Variants in FAM222B observed in about 807,000 individuals in gnomAD.
FAM222B encodes the protein protein FAM222B.
In FAM222B, 12 loss-of-function variants were observed where a neutral mutation model predicts 38.0. The ratio of observed to expected loss-of-function variants is 0.32; its 90% CI spans 0.20 to 0.51. The LOEUF (loss-of-function observed/expected upper bound fraction) is 0.51. Ranked by LOEUF, FAM222B falls within the 20% of genes least tolerant of loss-of-function variation. FAM222B has a pLI of 0.97. For synonymous variants in FAM222B, 329 were observed against 317.2 expected, an observed-to-expected ratio of 1.04 and a Z score of -0.40; for missense variants, 716 against 754.2, an observed-to-expected ratio of 0.95 and a Z score of 0.59.
At chr17:28,847,001 A>G (rs1045322764), upstream of FAM222B, among the ~76,000 whole-genome samples, 8 of 151,972 alleles carry the variant, frequency 5.3e-5, no homozygotes, top group African/African-American at 1.9e-4. Flanking sequence ...AGGTGGGTAG[A>G]TCACCTAAGG....
intron 1 of FAM222B, among the ~76,000 whole-genome samples, chr17:28,772,162 G>A (rs867371703): frequency 5.3e-5 from 8 of 152,124 alleles, no homozygotes; most frequent in Non-Finnish European, 7.3e-5. Context: ...ATACTCTGAC[G>A]ATGGGGATAC....
chr17:28,808,837 T>C (rs955780013), intron 1 of FAM222B, among the ~76,000 whole-genome samples: 2 of 152,200 alleles, frequency 1.3e-5, no homozygotes, highest in Non-Finnish European at 2.9e-5. Context: ...GTGCCTCTAA[T>C]ATTTTCTCAC....
At chr17:28,777,219 T>C (rs1206734146) in intron 1 of FAM222B, 1 of 152,166 alleles carries the variant, frequency 6.6e-6, no homozygotes, top group Non-Finnish European at 1.5e-5. Context: ...TCTAGAAATA[T>C]ATCTGCCACA....
Position 28,784,536 on chromosome 17 carries a change from A to G in FAM222B, c.-40-17829T>C, listed in dbSNP as rs527982532. 2.2e-3 allele frequency among the ~76,000 whole-genome samples: 311 copies of G among 141,016 alleles called. 3 individuals are homozygous for G. Among genetic ancestry groups the G allele is most frequent in the African/African-American group, 8.1e-3 (306 of 37,930 alleles). 92.5% of individuals were successfully genotyped at this position (141,016 alleles called of 152,430 possible). ...AAAAAAAAAAAAAAAAAAAAAGGCA[A>G]TAATCATTACTATTACTTTTCACTG... On this transcript the variant is annotated intron_variant, in intron 1 of 2. Transcript: ENST00000581407.
intron 2 of FAM222B, among the ~76,000 whole-genome samples, chr17:28,760,992 A>T (rs753236668): frequency 6.6e-6 from 1 of 152,210 alleles, no homozygotes; most frequent in Non-Finnish European, 1.5e-5. Context: ...GGGAATTGAG[A>T]AGAAAGGATT....
intron 2 of FAM222B, 66 bp downstream of exon 2, chr17:28,766,520 G>C (rs2035336047): frequency 7.3e-7 from 1 of 1,374,032 alleles, no homozygotes; most frequent in Non-Finnish European, 1.0e-6. Flanking sequence ...TGTGCTTCAA[G>C]GACGGCCCAA....
At chr17:28,836,989 G>T (rs2038866139) in intron 1 of FAM222B, among the ~76,000 whole-genome samples, 1 of 152,004 alleles carries the variant, frequency 6.6e-6, no homozygotes, top group Admixed American at 6.6e-5. Context: ...ATAGTGGCGG[G>T]CACCTGTAAT....
intron 2 of FAM222B, among the ~76,000 whole-genome samples, chr17:28,765,842 C>G (rs532960085): frequency 9.8e-4 from 149 of 152,296 alleles, no homozygotes; most frequent in Non-Finnish European, 1.8e-3. Flanking sequence ...AGGGCAAAAG[C>G]TCCCTGACTT....
chr17:28,764,289 A>C (rs1020899553), intron 2 of FAM222B, among the ~76,000 whole-genome samples: 9 of 150,898 alleles, frequency 6.0e-5, no homozygotes, highest in Non-Finnish European at 1.2e-4. Context: ...AAAAAAAAAA[A>C]AAAAAGGGCC....
chr17:28,766,470 A>G, intron 2 of FAM222B, 116 bp downstream of exon 2: 2 of 798,262 alleles, frequency 2.5e-6, no homozygotes, highest in South Asian at 1.8e-5. Context: ...AAAAAAAAAA[A>G]AAAGAAAGGT....
At position 28,759,494 on chromosome 17, in the gene FAM222B, C is replaced by T. The variant is rs1229659572; in HGVS notation, c.465G>A (p.Gln155=). Residue 155 remains glutamine, a synonymous_variant, in exon 3 of 3, where the codon CAG becomes CAA. Coordinates refer to ENST00000581407, the MANE Select transcript of FAM222B (RefSeq NM_001077498.3). The surrounding 1 kb of genome is among the most constrained non-coding windows in gnomAD (Gnocchi z 4.8). ...AHPQAQALAR[Q]QALQHAQTLA... is the part of the protein sequence containing the mutation. ...GGGTCTGTGCATGCTGCAGGGCCTG[C>T]TGGCGGGCCAGAGCCTGGGCCTGGG... 6 of 1,501,678 alleles carry T rather than the reference C, an allele frequency of 4.0e-6. No individual in the cohort carries two copies. Among genetic ancestry groups the T allele is most frequent in the Non-Finnish European group, 5.4e-6 (6 of 1,117,384 alleles). The allele number at this position is 1,501,678 out of a possible 1,614,324, so 93.0% of individuals were successfully genotyped here. A position where few individuals can be genotyped will look rare whatever the true frequency, so the allele number is the denominator to read the frequency against.
At chr17:28,833,106 A>G (rs1013824691) in intron 1 of FAM222B, among the ~76,000 whole-genome samples, 2 of 151,334 alleles carry the variant, frequency 1.3e-5, no homozygotes, top group African/African-American at 4.9e-5. Flanking sequence ...GCGGATAACA[A>G]GGTCAGGAGT....
At position 28,759,732 on chromosome 17, in the gene FAM222B, C is replaced by T. The variant is rs749632669; in HGVS notation, c.227G>A (p.Arg76His). The change falls in exon 3 of 3, where the codon CGT (arginine) becomes CAT (histidine). Residue 76 changes from arginine to histidine, a missense_variant. Coordinates refer to ENST00000581407, the MANE Select transcript of FAM222B (RefSeq NM_001077498.3). This position sits in a 1 kb window ranked among gnomAD's most constrained non-coding sequence, Gnocchi z 4.8. Reference protein sequence around the residue: ...VKVPQRKHVRRTVNGLDTSAQ... With the variant: ...VKVPQRKHVRHTVNGLDTSAQ... The stretch of plus-strand genomic sequence containing the variant: ...TGATGTGTCGAGGCCGTTCACAGTA[C>T]GACGAACGTGTTTCCGCTGGGGAAC... 9 of 1,613,752 alleles carry T rather than the reference C, an allele frequency of 5.6e-6. No homozygotes were observed. Among genetic ancestry groups the T allele is most frequent in the South Asian group, 5.5e-5 (5 of 91,008 alleles).
chr17:28,759,727 C>T lies in FAM222B; in HGVS notation c.232G>A (p.Val78Met). ...TGGGCTGATGTGTCGAGGCCGTTCA[C>T]AGTACGACGAACGTGTTTCCGCTGG... ...VPQRKHVRRT[V>M]NGLDTSAQRY... Residue 78 changes from valine to methionine, a missense_variant, in exon 3 of 3, where the codon GTG becomes ATG. Coordinates refer to ENST00000581407, the MANE Select transcript of FAM222B (RefSeq NM_001077498.3). The surrounding 1 kb of genome is among the most constrained non-coding windows in gnomAD (Gnocchi z 4.8). 6.2e-7 allele frequency: 1 copy of T among 1,613,800 alleles called. No homozygotes were observed. The highest frequency in any genetic ancestry group is 8.5e-7 in the Non-Finnish European group (1 of 1,179,812).
chr17:28,772,091 GA>G (rs562206636), intron 1 of FAM222B, among the ~76,000 whole-genome samples: 8 of 151,934 alleles, frequency 5.3e-5, no homozygotes, highest in East Asian at 1.9e-4. Flanking sequence ...AAATAAGGGG[GA>G]AAAAATCACT....
intron 1 of FAM222B, among the ~76,000 whole-genome samples, chr17:28,811,055 T>C (rs945638090): frequency 7.6e-5 from 11 of 144,514 alleles, no homozygotes; most frequent in Non-Finnish European, 1.4e-4. Flanking sequence ...TATCAAAGTG[T>C]TGCCAAAAAA....
At chr17:28,838,394 C>A (rs2038922502) in intron 1 of FAM222B, among the ~76,000 whole-genome samples, 1 of 150,324 alleles carries the variant, frequency 6.7e-6, no homozygotes, top group Admixed American at 6.7e-5. Context: ...TCCTGGCTAA[C>A]ACGGTGAAAC....
In FAM222B at chr17:28,766,840, GA is replaced by G; in HGVS notation, c.-40-134del. 5 of 575,392 alleles carry G rather than the reference GA, an allele frequency of 8.7e-6. No individual in the cohort carries two copies. In the South Asian group the frequency reaches 8.8e-5, roughly 10 times the overall value. The allele number at this position is 575,392 out of a possible 1,614,324, so 35.6% of individuals were successfully genotyped here. On this transcript the variant is annotated intron_variant, in intron 1 of 2. Coordinates refer to ENST00000581407, the MANE Select transcript of FAM222B (RefSeq NM_001077498.3). Reference sequence around the variant, plus strand: ...CAATTTAATTAGCAGTGTGTTGGTTGAAAGTATACTTACATCTTTATCTGTG... The same window carrying G: ...CAATTTAATTAGCAGTGTGTTGGTTGAAGTATACTTACATCTTTATCTGTG...
At chr17:28,775,003 A>ATTTTT (rs34758668) in intron 1 of FAM222B, among the ~76,000 whole-genome samples, 4 of 125,590 alleles carry the variant, frequency 3.2e-5, no homozygotes, top group Non-Finnish European at 4.8e-5. Context: ...TCTCAGCTGT[A>ATTTTT]TTTTTTTTTT....
Sources: allele counts gnomAD v4.1 joint callset (sites outside exome capture counted in the v4.1 genomes callset), GRCh38; gene constraint gnomAD v4.1.1; non-coding constraint Gnocchi (gnomAD v3.1); transcripts MANE v1.5; gene names NCBI Gene and HGNC (gene_info 2026-07-23, HGNC 2026-07-21).